The following IL1RAPL1 variants were observed in gnomAD, a reference collection of about 807,000 sequenced individuals.
IL1RAPL1 encodes the protein interleukin-1 receptor accessory protein-like 1.
Under a neutral mutation model 48.4 loss-of-function variants are expected in IL1RAPL1, and 3 were observed. The ratio of observed to expected loss-of-function variants is 0.06; its 90% CI spans 0.03 to 0.16. The LOEUF is 0.16. IL1RAPL1 is among the 10% of genes least tolerant of loss of function. IL1RAPL1 has a pLI of 1.00. For missense variants in IL1RAPL1, 349 were observed against 530.6 expected, an observed-to-expected ratio of 0.66 and a Z score of 3.36; for synonymous variants, 185 against 187.7, an observed-to-expected ratio of 0.99 and a Z score of 0.12.
chrX:29,722,604 T>G (rs1396879075), intron 6 of IL1RAPL1, among the ~76,000 whole-genome samples: 1 of 111,906 alleles, frequency 8.9e-6, no homozygotes, highest in Non-Finnish European at 1.9e-5. Flanking sequence ...CTTCTAGACT[T>G]TCTCCTATTT....
intron 2 of IL1RAPL1, among the ~76,000 whole-genome samples, chrX:28,996,152 C>T (rs904768681): frequency 2.7e-5 from 3 of 111,168 alleles, no homozygotes; most frequent in African/African-American, 9.8e-5. Context: ...AACTACCAGT[C>T]GACTTTCTGT....
intron 2 of IL1RAPL1, among the ~76,000 whole-genome samples, chrX:29,094,406 C>T (rs1368422946): frequency 1.8e-5 from 2 of 110,127 alleles, no homozygotes; most frequent in African/African-American, 3.3e-5. Flanking sequence ...TTAGTTGTAT[C>T]GTAGTTGATA....
intron 6 of IL1RAPL1, among the ~76,000 whole-genome samples, chrX:29,762,185 A>G (rs921843433): frequency 1.8e-5 from 2 of 112,096 alleles, no homozygotes; most frequent in Admixed American, 9.5e-5. Flanking sequence ...TTAAGCGTTC[A>G]TTGAAATGCG....
chrX:29,416,072 C>T (rs764205934), intron 5 of IL1RAPL1, among the ~76,000 whole-genome samples: 6 of 111,517 alleles, frequency 5.4e-5, no homozygotes, highest in African/African-American at 9.8e-5. Context: ...TCTTATTATA[C>T]TCACTTTGTG....
chrX:28,979,680 GAA>G, intron 2 of IL1RAPL1, among the ~76,000 whole-genome samples: 1 of 112,047 alleles, frequency 8.9e-6, no homozygotes, highest in East Asian at 2.8e-4. Context: ...TGATGTTTCT[GAA>G]AAGAGAGAGT....
chrX:28,653,233 G>C (rs1934706586), intron 1 of IL1RAPL1, among the ~76,000 whole-genome samples: 3 of 111,423 alleles, frequency 2.7e-5, no homozygotes, highest in Admixed American at 9.5e-5. Flanking sequence ...CCAGCACTTT[G>C]GGAGGCCAAG....
chrX:28,698,777 G>A (rs1235029687), intron 1 of IL1RAPL1, among the ~76,000 whole-genome samples: 1 of 111,543 alleles, frequency 9.0e-6, no homozygotes, highest in Admixed American at 9.6e-5. Context: ...ATAAGTTGAA[G>A]TTTTTATAAG....
chrX:29,018,636 C>T (rs1251103850), intron 2 of IL1RAPL1, among the ~76,000 whole-genome samples: 1 of 111,980 alleles, frequency 8.9e-6, no homozygotes, highest in Non-Finnish European at 1.9e-5. Flanking sequence ...GGGTTTTAAT[C>T]AGGGAAATGA....
chrX:29,578,393 G>A (rs1458676608), intron 5 of IL1RAPL1, among the ~76,000 whole-genome samples: 5 of 112,010 alleles, frequency 4.5e-5, no homozygotes, highest in African/African-American at 1.6e-4. Context: ...GTTGTTGTGA[G>A]GATTAAATGA....
chrX:29,572,696 A>C lies in IL1RAPL1; in HGVS notation c.704-95734A>C, dbSNP rs755974413. ...CTGCTTATTCTCCCTGTAGAAATTC[A>C]TAATGCCCATTTCTGTATCAGAAAA... is the stretch of plus-strand genomic sequence containing the variant. On this transcript the variant is annotated intron_variant, in intron 5 of 10. Coordinates refer to ENST00000378993, the MANE Select transcript of IL1RAPL1 (RefSeq NM_014271.4). 6.2e-5 allele frequency among the ~76,000 whole-genome samples: 7 copies of C among 112,638 alleles called. No individual in the cohort carries two copies. In the South Asian group the frequency reaches 2.6e-3, roughly 41 times the overall value.
intron 1 of IL1RAPL1, among the ~76,000 whole-genome samples, chrX:28,708,739 G>T (rs1006333230): frequency 9.0e-6 from 1 of 111,534 alleles, no homozygotes; most frequent in African/African-American, 3.3e-5. Flanking sequence ...TCACTTACAT[G>T]TGGGAGTTAA....
intron 5 of IL1RAPL1, among the ~76,000 whole-genome samples, chrX:29,615,940 C>T (rs1306520015): frequency 9.0e-6 from 1 of 111,378 alleles, no homozygotes; most frequent in Non-Finnish European, 1.9e-5. Flanking sequence ...ACATCTTATG[C>T]CTACACTTGA....
chrX:28,595,384 A>G (rs1181710019), intron 1 of IL1RAPL1, among the ~76,000 whole-genome samples: 1 of 112,559 alleles, frequency 8.9e-6, no homozygotes. Flanking sequence ...TTGGAATAAC[A>G]GGCTTTATCC....
chrX:29,802,747 T>TCATA (rs1929942693), intron 6 of IL1RAPL1, among the ~76,000 whole-genome samples: 1 of 36,282 alleles, frequency 2.8e-5, no homozygotes, highest in Non-Finnish European at 5.3e-5. Flanking sequence ...GAGGAAAAAA[T>TCATA]TATATATATA....
chrX:29,782,436 C>A (rs1929368984), intron 6 of IL1RAPL1, among the ~76,000 whole-genome samples: 1 of 111,528 alleles, frequency 9.0e-6, no homozygotes, highest in African/African-American at 3.3e-5. Context: ...CATCAAGAAT[C>A]TAATCTATAC....
At chrX:29,303,692 A>C in intron 3 of IL1RAPL1, among the ~76,000 whole-genome samples, 1 of 112,011 alleles carries the variant, frequency 8.9e-6, no homozygotes, top group South Asian at 3.7e-4. Flanking sequence ...TTAAATAGAA[A>C]TTACATAAAG....
In IL1RAPL1 at chrX:29,304,421, A is replaced by C. The variant is rs907598026; in HGVS notation, c.362+21204A>C. On this transcript the variant is annotated intron_variant, in intron 3 of 10. Coordinates refer to ENST00000378993, the MANE Select transcript of IL1RAPL1 (RefSeq NM_014271.4). ...CTTATTTAATAATGAATTTTAGTGA[A>C]ATTATTTTAAAATATCTTTTAATCA... is the stretch of plus-strand genomic sequence containing the variant. Among the ~76,000 whole-genome samples the C allele has an allele frequency of 7.1e-5, 8 of 112,156 alleles. No individual in the cohort carries two copies. In the East Asian group the frequency reaches 2.2e-3, roughly 31 times the overall value.
intron 1 of IL1RAPL1, among the ~76,000 whole-genome samples, chrX:28,687,800 T>G (rs186445786): frequency 2.9e-3 from 239 of 83,642 alleles, no homozygotes; most frequent in African/African-American, 0.01. Flanking sequence ...AAAAAAAAAA[T>G]AAAATAAAAT....
intron 5 of IL1RAPL1, among the ~76,000 whole-genome samples, chrX:29,448,717 C>T (rs941651826): frequency 9.0e-6 from 1 of 111,730 alleles, no homozygotes; most frequent in African/African-American, 3.3e-5. Flanking sequence ...TTGTCATTTA[C>T]AGATGTCCTA....
Sources: gnomAD v4.1 joint callset for allele counts (sites outside exome capture counted in the v4.1 genomes callset) on GRCh38, gnomAD v4.1.1 for gene constraint, MANE v1.5 for transcripts, NCBI Gene and HGNC (gene_info 2026-07-23, HGNC 2026-07-21) for gene names.